The following ABI1 variants were observed in gnomAD, a reference collection of about 807,000 sequenced individuals.
The protein encoded by ABI1 is abl interactor 1, also known as Abelson interactor 1.
In ABI1, 14 loss-of-function variants were observed where a neutral mutation model predicts 54.6. The ratio of observed to expected loss-of-function variants is 0.26; its 90% CI spans 0.17 to 0.40. The LOEUF is 0.40. Among genes scored for constraint, ABI1 ranks in the 10% least tolerant of loss-of-function variants. The pLI, the probability that ABI1 is intolerant of heterozygous loss-of-function variation, is 1.00. For missense variants in ABI1, 443 were observed against 598.3 expected (o/e 0.74, Z 2.71); for synonymous variants, 194 against 209.3 (o/e 0.93, Z 0.63).
intron 2 of ABI1, chr10:26,790,452 CT>C (rs1843276554): frequency 1.3e-5 from 2 of 151,926 alleles, no homozygotes; most frequent in Non-Finnish European, 1.5e-5. Flanking sequence ...TGTCTGTTCT[CT>C]GTTCAAGTCC....
At chr10:26,838,450 G>C (rs1202056465) in intron 1 of ABI1, among the ~76,000 whole-genome samples, 2 of 152,152 alleles carry the variant, frequency 1.3e-5, no homozygotes, top group Non-Finnish European at 2.9e-5. Context: ...AGAATGAAAT[G>C]AACAGTATCT....
At chr10:26,840,508 T>G (rs770142228) in intron 1 of ABI1, among the ~76,000 whole-genome samples, 1 of 152,176 alleles carries the variant, frequency 6.6e-6, no homozygotes, top group African/African-American at 2.4e-5. Context: ...AGAATAGTCT[T>G]AGCTATCTCC....
At chr10:26,818,148 G>A (rs1262600267) in intron 2 of ABI1, among the ~76,000 whole-genome samples, 1 of 73,374 alleles carries the variant, frequency 1.4e-5, no homozygotes, top group Non-Finnish European at 2.5e-5. Context: ...GACAGAGCAA[G>A]ACTCCATCTC....
chr10:26,765,340 G>A, intron 6 of ABI1, 22 bp from the exon 7 acceptor site: 2 of 1,506,140 alleles, frequency 1.3e-6, no homozygotes, highest in South Asian at 2.5e-5. Context: ...AAAAAAAACT[G>A]TGAAAAACCA....
chr10:26,759,209 A>T lies in ABI1; in HGVS notation c.850T>A (p.Tyr284Asn). 6.2e-7 allele frequency: 1 copy of T among 1,614,078 alleles called. No individual in the cohort carries two copies. The highest frequency in any genetic ancestry group is 8.5e-7 in the Non-Finnish European group (1 of 1,179,958). The change falls in exon 8 of 11, where the codon TAT becomes AAT. Residue 284 changes from tyrosine to asparagine, a missense_variant. Physicochemically the swap from Tyr to Asn is moderately radical, Grantham distance 143. Around this residue, in one of 2 missense-constraint regions of ABI1, gnomAD observed 394 missense variants for 484.8 expected, o/e 0.81. Transcript: ENST00000376140. ...AAPGSAPGSQYGTMTRQISRH... is the reference protein window; with the variant it reads ...AAPGSAPGSQNGTMTRQISRH... ...GATATCTGCCTGGTCATTGTGCCAT[A>T]CTGGGAACCAGGAGCTGAGCCCGGG...
chr10:26,765,070 ATT>A (rs1839754375), intron 7 of ABI1, 146 bp downstream of exon 7: 1 of 610,336 alleles, frequency 1.6e-6, no homozygotes, highest in Non-Finnish European at 2.7e-6. Context: ...ATCTAAAAAT[ATT>A]GTTAACTTTG....
intron 2 of ABI1, among the ~76,000 whole-genome samples, chr10:26,808,807 T>A (rs1199009192): frequency 6.6e-6 from 1 of 151,834 alleles, no homozygotes; most frequent in Admixed American, 6.6e-5. Context: ...TAAATTGTTT[T>A]TAAAAGATTC....
intron 7 of ABI1, among the ~76,000 whole-genome samples, chr10:26,759,726 TAA>T (rs1301591611): frequency 6.6e-6 from 1 of 152,090 alleles, no homozygotes; most frequent in African/African-American, 2.4e-5. Flanking sequence ...CTTATAATGA[TAA>T]GTCTCTATCT....
At chr10:26,752,021 T>A (rs1013808860) in intron 9 of ABI1, among the ~76,000 whole-genome samples, 1 of 152,086 alleles carries the variant, frequency 6.6e-6, no homozygotes, top group Non-Finnish European at 1.5e-5. Flanking sequence ...GAATGCAGGG[T>A]GTTAGGAGAC....
intron 1 of ABI1, among the ~76,000 whole-genome samples, chr10:26,836,392 C>T (rs1169049745): frequency 5.3e-5 from 8 of 152,144 alleles, no homozygotes; most frequent in South Asian, 2.1e-4. Context: ...GGATTACAGA[C>T]GTGAGCCACT....
At chr10:26,817,620 G>C (rs988320690) in intron 2 of ABI1, among the ~76,000 whole-genome samples, 2 of 152,138 alleles carry the variant, frequency 1.3e-5, no homozygotes, top group Admixed American at 6.5e-5. Context: ...AGAAGTTTTG[G>C]AGATGAATGG....
intron 9 of ABI1, among the ~76,000 whole-genome samples, chr10:26,754,497 C>T (rs77366938): frequency 6.6e-6 from 1 of 152,240 alleles, no homozygotes; most frequent in African/African-American, 2.4e-5. Flanking sequence ...TCACACATTT[C>T]CTGAAGGAAG....
intron 2 of ABI1, among the ~76,000 whole-genome samples, chr10:26,821,122 G>A (rs1231091862): frequency 6.6e-6 from 1 of 150,860 alleles, no homozygotes; most frequent in Non-Finnish European, 1.5e-5. Flanking sequence ...AGGTGCACCT[G>A]TAATCCCAGC....
intron 2 of ABI1, among the ~76,000 whole-genome samples, chr10:26,806,378 G>GT (rs1343642792): frequency 1.3e-5 from 2 of 152,122 alleles, no homozygotes; most frequent in African/African-American, 2.4e-5. Context: ...AAGAAATAAG[G>GT]TTTTTTTCCA....
intron 7 of ABI1, among the ~76,000 whole-genome samples, chr10:26,765,006 C>A (rs1588791944): frequency 6.6e-6 from 1 of 151,678 alleles, no homozygotes; most frequent in African/African-American, 2.4e-5. Context: ...ACTTAATATG[C>A]AGTATATATA....
intron 3 of ABI1, among the ~76,000 whole-genome samples, chr10:26,772,100 T>G (rs1046911197): frequency 6.6e-6 from 1 of 152,100 alleles, no homozygotes. Flanking sequence ...TTGGTGTCTT[T>G]TGGATACATT....
At chr10:26,827,515 G>A (rs935184227) in intron 1 of ABI1, among the ~76,000 whole-genome samples, 6 of 150,724 alleles carry the variant, frequency 4.0e-5, no homozygotes, top group African/African-American at 1.5e-4. Context: ...GAGCCACCAC[G>A]CCCAGCCTGG....
chr10:26,841,602 T>A (rs1043740404), intron 1 of ABI1, among the ~76,000 whole-genome samples: 1 of 152,116 alleles, frequency 6.6e-6, no homozygotes, highest in Admixed American at 6.5e-5. Flanking sequence ...CCCACCCACT[T>A]GCTCCTGGTA....
intron 1 of ABI1, among the ~76,000 whole-genome samples, chr10:26,855,970 CAAAAAAA>C (rs11369827): frequency 8.7e-5 from 7 of 80,608 alleles, no homozygotes; most frequent in Non-Finnish European, 1.3e-4. Context: ...GACTCCATCT[CAAAAAAA>C]AAAAAAAAAA....
Sources: gnomAD v4.1 joint callset for allele counts (sites outside exome capture counted in the v4.1 genomes callset) on GRCh38, gnomAD v4.1.1 for gene constraint, gnomAD v4.1.1 regional missense constraint, MANE v1.5 for transcripts, NCBI Gene and HGNC (gene_info 2026-07-23, HGNC 2026-07-21) for gene names.